Variants in DOK7 observed in about 807,000 individuals in gnomAD.
DOK7 encodes protein Dok-7.
Under a neutral mutation model 30.7 loss-of-function variants are expected in DOK7, and 32 were observed. That is an observed-to-expected ratio of 1.04 (90% CI 0.79 to 1.40). DOK7 has a LOEUF of 1.40. DOK7 is among the 40% of genes most tolerant of loss of function. The probability of loss-of-function intolerance (pLI) is 0.00; values close to 1 mark genes in which losing one functional copy is unlikely to be tolerated. For synonymous variants in DOK7, 447 were observed against 324.1 expected (o/e 1.38, Z -4.07); for missense variants, 1,007 against 699.2 (o/e 1.44, Z -4.97).
intron 5 of DOK7, among the ~76,000 whole-genome samples, chr4:3,489,189 C>T (rs1300787587): frequency 6.6e-6 from 1 of 152,128 alleles, no homozygotes; most frequent in African/African-American, 2.4e-5. Context: ...CAGTATGAGT[C>T]TCCATCCGAG....
At chr4:3,485,316 C>T in intron 4 of DOK7, 3 of 566,698 alleles carry the variant, frequency 5.3e-6, no homozygotes, top group Non-Finnish European at 8.7e-6. Flanking sequence ...TCCAGAGGCT[C>T]TGGGGACCCA....
intron 2 of DOK7, among the ~76,000 whole-genome samples, chr4:3,464,294 G>C (rs148645055): frequency 6.6e-6 from 1 of 152,334 alleles, no homozygotes; most frequent in Non-Finnish European, 1.5e-5. Flanking sequence ...CCTCCAGGAC[G>C]GGTGTCTGTG....
At chr4:3,500,102 CAG>C in intron 6 of DOK7, 1 of 976,010 alleles carries the variant, frequency 1.0e-6, no homozygotes, top group Non-Finnish European at 1.5e-6. Flanking sequence ...GATGGACGGT[CAG>C]GAACATGGAG....
At chr4:3,469,091 T>C (rs1726575097) in intron 2 of DOK7, among the ~76,000 whole-genome samples, 1 of 150,654 alleles carries the variant, frequency 6.6e-6, no homozygotes, top group Non-Finnish European at 1.5e-5. Context: ...TACATGTGTG[T>C]GCCTGTGTGT....
In DOK7 at chr4:3,492,979, C is replaced by T; in HGVS notation, c.993C>T (p.Gly331=). 1 of 1,554,440 alleles carries T rather than the reference C, an allele frequency of 6.4e-7. No homozygotes were observed. ...PLRPRQLQEV[G]RQSSSDSGIA... ...GTCCGCGGCAGCTGCAGGAGGTTGGCCGCCAGAGCTCCTCGGACAGCGGCA... is the reference window on the plus strand; with the variant it reads ...GTCCGCGGCAGCTGCAGGAGGTTGGTCGCCAGAGCTCCTCGGACAGCGGCA... Residue 331 remains glycine, a synonymous_variant, in exon 7 of 7, where the codon GGC becomes GGT. Coordinates refer to ENST00000340083, the MANE Select transcript of DOK7 (RefSeq NM_173660.5).
intron 5 of DOK7, 58 bp from the exon 6 acceptor site, chr4:3,489,619 G>C: frequency 6.4e-7 from 1 of 1,553,158 alleles, no homozygotes; most frequent in Non-Finnish European, 8.7e-7. Flanking sequence ...CCTGGTGCCT[G>C]CGGGCGAGGG....
In DOK7 at chr4:3,463,454, G is replaced by T. The variant is rs769791490; in HGVS notation, c.54+25G>T. The T allele has an allele frequency of 1.3e-5, 19 of 1,416,548 alleles. No individual in the cohort carries two copies. Among genetic ancestry groups the T allele is most frequent in the Non-Finnish European group, 7.3e-6 (8 of 1,089,726 alleles). 87.7% of individuals were successfully genotyped at this position (1,416,548 alleles called of 1,614,324 possible). Reference sequence around the variant, plus strand: ...GGTCGGGGCGCGTCGGGGGCGCGGGGGGGGGGGGCGCGGGCGCGGGCGGCG... The same window carrying T: ...GGTCGGGGCGCGTCGGGGGCGCGGGTGGGGGGGGCGCGGGCGCGGGCGGCG... On this transcript the variant is annotated intron_variant, in intron 1 of 6. Coordinates refer to ENST00000340083, the MANE Select transcript of DOK7 (RefSeq NM_173660.5).
rs745601159 is a variant in DOK7, at chr4:3,489,697, T to G, written c.673T>G (p.Ser225Ala). Residue 225 changes from serine (S) to alanine (A), a missense_variant, in exon 6 of 7, where the codon TCG becomes GCG. Coordinates refer to ENST00000340083, the MANE Select transcript of DOK7 (RefSeq NM_173660.5). ...CACAGACCCAAGTCCCCCGGGACCC[T>G]CGACTGTGGAGGAGCGTGTGGCCCA... ...VLPDPSPPGP[S>A]TVEERVAQEA... 1.9e-6 allele frequency: 3 copies of G among 1,564,490 alleles called. No homozygotes were observed. The highest frequency in any genetic ancestry group is 4.8e-5 in the East Asian group (2 of 41,984).
intron 6 of DOK7, among the ~76,000 whole-genome samples, chr4:3,491,431 CTCAT>C (rs1212349741): frequency 6.7e-6 from 1 of 148,690 alleles, no homozygotes; most frequent in Admixed American, 6.7e-5. Context: ...TCTTCCCCTG[CTCAT>C]TCATTTCTTT....
chr4:3,498,781 C>T (rs986100204), downstream of DOK7, among the ~76,000 whole-genome samples: 3 of 152,256 alleles, frequency 2.0e-5, no homozygotes, highest in Admixed American at 6.5e-5. Context: ...CCTGGCATTC[C>T]GAGGGGACCA....
At chr4:3,478,967 G>T (rs547368996) in intron 4 of DOK7, among the ~76,000 whole-genome samples, 1 of 152,270 alleles carries the variant, frequency 6.6e-6, no homozygotes, top group South Asian at 2.1e-4. Context: ...GAGGGAGCCG[G>T]CAACTCGGGT....
intron 3 of DOK7, 110 bp downstream of exon 3, chr4:3,473,746 AG>A: frequency 9.3e-7 from 1 of 1,079,662 alleles, no homozygotes; most frequent in Non-Finnish European, 1.3e-6. Flanking sequence ...CCGTGCAGGA[AG>A]ATGGGACATT....
downstream of DOK7, chr4:3,497,000 A>G (rs954595617): frequency 4.9e-6 from 4 of 820,714 alleles, no homozygotes; most frequent in Non-Finnish European, 7.1e-6. Context: ...AATGTGGGCA[A>G]TGTGGTGAAA....
chr4:3,476,255 CG>C, intron 3 of DOK7, 86 bp from the exon 4 acceptor site: 1 of 620,346 alleles, frequency 1.6e-6, no homozygotes, highest in South Asian at 2.0e-5. Flanking sequence ...TCACCCCACC[CG>C]CCCGTGATGC....
At chr4:3,468,791 T>C (rs1726528672) in intron 2 of DOK7, among the ~76,000 whole-genome samples, 1 of 141,520 alleles carries the variant, frequency 7.1e-6, no homozygotes, top group African/African-American at 2.9e-5. Flanking sequence ...CCTGTGATCA[T>C]GTATGTCTGT....
intron 6 of DOK7, among the ~76,000 whole-genome samples, chr4:3,490,727 C>G (rs1728301332): frequency 9.9e-6 from 1 of 100,964 alleles, no homozygotes; most frequent in Non-Finnish European, 1.9e-5. Flanking sequence ...TTTCCCCCCA[C>G]TCATTCCTTC....
intron 4 of DOK7, among the ~76,000 whole-genome samples, chr4:3,481,059 G>T (rs536985470): frequency 3.9e-5 from 6 of 152,158 alleles, no homozygotes; most frequent in African/African-American, 1.4e-4. Flanking sequence ...AGCACGAATG[G>T]GTGTCCCGAA....
Position 3,501,027 on chromosome 4 carries a change from G to C in DOK7, c.*202G>C, listed in dbSNP as rs185757686. The C allele has an allele frequency of 1.0e-4, 81 of 797,364 alleles. No individual in the cohort carries two copies. In the East Asian group the frequency reaches 2.1e-3, roughly 21 times the overall value. The allele number at this position is 797,364 out of a possible 1,614,324, so 49.4% of individuals were successfully genotyped here. A position where few individuals can be genotyped will look rare whatever the true frequency, so the allele number is the denominator to read the frequency against. On this transcript the variant is annotated 3_prime_UTR_variant, in exon 8 of 8. Coordinates refer to the DOK7 transcript ENST00000643608. ...CAGGCCTCCTGCCTCACAGGTGTCC[G>C]GGGCTGACCCTTCGGCCTGAAAGAG...
In DOK7 at chr4:3,494,095, A is replaced by G; in HGVS notation, c.*594A>G. 2.0e-6 allele frequency: 2 copies of G among 986,270 alleles called. No individual in the cohort carries two copies. The highest frequency in any genetic ancestry group is 2.4e-6 in the Non-Finnish European group (2 of 830,606). The allele number at this position is 986,270 out of a possible 1,614,324, so 61.1% of individuals were successfully genotyped here. On this transcript the variant is annotated 3_prime_UTR_variant, in exon 7 of 7. Transcript: ENST00000340083. ...GCGGGGTCTCTGGGTTCTGGGCCCC[A>G]CTGTTCCCCAGTGAAGCCCTTGTGG...
Sources: allele counts gnomAD v4.1 joint callset (sites outside exome capture counted in the v4.1 genomes callset), GRCh38; gene constraint gnomAD v4.1.1; transcripts MANE v1.5; gene names NCBI Gene and HGNC (gene_info 2026-07-23, HGNC 2026-07-21).